FAM120B: variants seen among roughly 807,000 people sequenced by gnomAD.
FAM120B encodes family with sequence similarity 120 member B, also known as constitutive coactivator of peroxisome proliferator-activated receptor gamma.
In FAM120B, 83 loss-of-function variants were observed where a neutral mutation model predicts 96.3. The observed-to-expected ratio is 0.86, with a 90% CI of 0.72 to 1.03. The LOEUF (loss-of-function observed/expected upper bound fraction) is 1.03. Among genes scored for constraint, FAM120B ranks in the 50% least tolerant of loss-of-function variants. FAM120B has a pLI of 0.00. For synonymous variants in FAM120B, 407 were observed against 402.7 expected (o/e 1.01, Z -0.13); for missense variants, 1,027 against 1,121.2 (o/e 0.92, Z 1.20).
At chr6:170,349,895 C>G (rs570305077) in intron 5 of FAM120B, among the ~76,000 whole-genome samples, 1 of 152,104 alleles carries the variant, frequency 6.6e-6, no homozygotes, top group African/African-American at 2.4e-5. Flanking sequence ...CAGTGCCCCA[C>G]CTGGGAACAG....
chr6:170,372,228 A>G (rs1003085406), intron 6 of FAM120B, among the ~76,000 whole-genome samples: 1 of 152,134 alleles, frequency 6.6e-6, no homozygotes, highest in Non-Finnish European at 1.5e-5. Context: ...GATTTTTTAT[A>G]CTTGATTTAG....
chr6:170,316,916 A>G (rs1027711877), intron 1 of FAM120B, among the ~76,000 whole-genome samples: 1 of 152,204 alleles, frequency 6.6e-6, no homozygotes, highest in Non-Finnish European at 1.5e-5. Flanking sequence ...TATAAGTTGA[A>G]TCATAGTGTG....
At chr6:170,348,388 G>T in intron 5 of FAM120B, 65 bp downstream of exon 5, 1 of 1,457,840 alleles carries the variant, frequency 6.9e-7, no homozygotes, top group East Asian at 2.3e-5. Context: ...GGAGCATGTG[G>T]GATATTGCCA....
upstream of FAM120B, among the ~76,000 whole-genome samples, chr6:170,302,894 TGTA>T (rs1342433374): frequency 5.9e-5 from 9 of 152,216 alleles, no homozygotes; most frequent in Non-Finnish European, 1.5e-5. Flanking sequence ...CAACTTTTCT[TGTA>T]GTCTCCCAGG....
intron 5 of FAM120B, among the ~76,000 whole-genome samples, chr6:170,356,196 C>A (rs746008235): frequency 6.6e-6 from 1 of 152,170 alleles, no homozygotes; most frequent in Non-Finnish European, 1.5e-5. Context: ...TTCCACTTTA[C>A]CTTTTTTCTA....
intron 6 of FAM120B, among the ~76,000 whole-genome samples, chr6:170,373,458 C>T (rs577123125): frequency 5.9e-5 from 9 of 152,300 alleles, no homozygotes; most frequent in Admixed American, 5.9e-4. Flanking sequence ...GTGACTTTCT[C>T]TGTTGCTGAA....
At chr6:170,304,773 T>G (rs1298191201), upstream of FAM120B, among the ~76,000 whole-genome samples, 1 of 152,080 alleles carries the variant, frequency 6.6e-6, no homozygotes, top group African/African-American at 2.4e-5. Flanking sequence ...CTTGGAGTCC[T>G]TCCTCTTCTA....
In FAM120B at chr6:170,318,282, T is replaced by C. The variant is rs760468270; in HGVS notation, c.892T>C (p.Tyr298His). ...LPLGPNKALF[Y>H]KGMASYLLPG... ...TCTGGGACCAAACAAAGCTCTTTTT[T>C]ATAAAGGAATGGCATCATATCTTTT... Residue 298 changes from tyrosine (Y) to histidine (H), a missense_variant, in exon 2 of 11, where the codon TAT becomes CAT. Tyr to His is a moderately conservative substitution (Grantham distance 83). Coordinates refer to ENST00000476287, the MANE Select transcript of FAM120B (RefSeq NM_032448.3). 9 of 1,614,156 alleles carry C rather than the reference T, an allele frequency of 5.6e-6. No individual in the cohort carries two copies. The highest frequency in any genetic ancestry group is 7.6e-6 in the Non-Finnish European group (9 of 1,180,038).
intron 6 of FAM120B, among the ~76,000 whole-genome samples, chr6:170,387,979 CTG>C (rs1473391036): frequency 1.3e-5 from 2 of 152,186 alleles, no homozygotes; most frequent in African/African-American, 4.8e-5. Flanking sequence ...GCAAGAGACA[CTG>C]TGCTCACTGC....
At chr6:170,376,543 G>A (rs1236873055) in intron 6 of FAM120B, among the ~76,000 whole-genome samples, 1 of 152,090 alleles carries the variant, frequency 6.6e-6, no homozygotes, top group African/African-American at 2.4e-5. Flanking sequence ...GCTGGCATGC[G>A]GGGATGACCA....
chr6:170,387,652 A>G (rs140728735), intron 6 of FAM120B, among the ~76,000 whole-genome samples: 129 of 152,340 alleles, frequency 8.5e-4, no homozygotes, highest in African/African-American at 3.0e-3. Flanking sequence ...TCATATTGGT[A>G]TGGTCTTAAT....
rs564463301 is a variant in FAM120B, at chr6:170,376,022, C to T, written c.2284-12265C>T. ...TTCAGTGAGGAGCCTTGCCCAGATA[C>T]ACGGGGAGCTGTAATGAATTACCTG... On this transcript the variant is annotated intron_variant, in intron 6 of 10. Coordinates refer to ENST00000476287, the MANE Select transcript of FAM120B (RefSeq NM_032448.3). 1.2e-4 allele frequency among the ~76,000 whole-genome samples: 19 copies of T among 152,258 alleles called. No homozygotes were observed. The South Asian group carries it at 3.9e-3, about 32-fold the overall frequency.
chr6:170,294,101 C>G (rs1008615720), upstream of FAM120B, among the ~76,000 whole-genome samples: 1 of 152,154 alleles, frequency 6.6e-6, no homozygotes, highest in African/African-American at 2.4e-5. This position sits in a 1 kb window ranked among gnomAD's most constrained non-coding sequence, Gnocchi z 7.9. Context: ...TATACTCCCA[C>G]AACTAAGCAC....
At chr6:170,315,974 G>A (rs1003327672) in intron 1 of FAM120B, among the ~76,000 whole-genome samples, 1 of 140,004 alleles carries the variant, frequency 7.1e-6, no homozygotes, top group African/African-American at 2.7e-5. Context: ...CAAGAGGATC[G>A]CTTGAACCTG....
chr6:170,329,648 G>A (rs950107531), intron 3 of FAM120B, among the ~76,000 whole-genome samples: 1 of 151,578 alleles, frequency 6.6e-6, no homozygotes, highest in Non-Finnish European at 1.5e-5. Flanking sequence ...TGTGATTAGC[G>A]AATCTCTGTT....
intron 6 of FAM120B, among the ~76,000 whole-genome samples, chr6:170,361,575 C>A (rs1788462515): frequency 6.6e-6 from 1 of 152,032 alleles, no homozygotes; most frequent in Admixed American, 6.6e-5. Flanking sequence ...CAGTTGTTTT[C>A]CCTTTGTAGT....
chr6:170,314,546 A>C (rs978274226), intron 1 of FAM120B, among the ~76,000 whole-genome samples: 1 of 152,216 alleles, frequency 6.6e-6, no homozygotes, highest in African/African-American at 2.4e-5. Context: ...TACCTAGATA[A>C]TGAAAATTTC....
intron 5 of FAM120B, among the ~76,000 whole-genome samples, chr6:170,352,991 TAAAG>T (rs978938788): frequency 3.3e-5 from 5 of 151,020 alleles, no homozygotes; most frequent in African/African-American, 9.7e-5. Context: ...GCTACACTAA[TAAAG>T]AAGAGAGAAG....
chr6:170,379,918 T>C (rs1251315170), intron 6 of FAM120B, among the ~76,000 whole-genome samples: 1 of 152,228 alleles, frequency 6.6e-6, no homozygotes, highest in African/African-American at 2.4e-5. Context: ...AGAGTGTTAT[T>C]AACTCTAGTC....
Sources: allele counts gnomAD v4.1 joint callset (sites outside exome capture counted in the v4.1 genomes callset), GRCh38; gene constraint gnomAD v4.1.1; non-coding constraint Gnocchi (gnomAD v3.1); transcripts MANE v1.5; gene names NCBI Gene and HGNC (gene_info 2026-07-23, HGNC 2026-07-21).